DMD: variants seen among roughly 807,000 people sequenced by gnomAD.
The protein encoded by DMD is dystrophin, also known as mutant dystrophin.
DMD carries 63 observed loss-of-function variants against 330.1 expected under a neutral mutation model. The ratio of observed to expected loss-of-function variants is 0.19; its 90% CI spans 0.16 to 0.24. The LOEUF (loss-of-function observed/expected upper bound fraction) is 0.24, where lower values mean the gene tolerates loss of function less well. DMD is among the 10% of genes least tolerant of loss of function. DMD has a pLI of 1.00. For missense variants in DMD, 3,344 were observed against 2,684.1 expected (o/e 1.25, Z -5.43); for synonymous variants, 1,223 against 959.8 (o/e 1.27, Z -5.07).
At chrX:32,387,542 T>G (rs2097967813) in intron 32 of DMD, among the ~76,000 whole-genome samples, 1 of 111,112 alleles carries the variant, frequency 9.0e-6, no homozygotes, top group Admixed American at 9.6e-5. Context: ...AGTTTAAAAG[T>G]AATGTCTAAA....
intron 9 of DMD, among the ~76,000 whole-genome samples, chrX:32,649,729 A>G (rs2060020775): frequency 9.0e-6 from 1 of 110,528 alleles, no homozygotes; most frequent in South Asian, 3.8e-4. Context: ...TTCTCTGACT[A>G]GAAATGGTTC....
intron 11 of DMD, among the ~76,000 whole-genome samples, chrX:32,640,974 T>C (rs1316645350): frequency 9.0e-6 from 1 of 111,629 alleles, no homozygotes; most frequent in African/African-American, 3.3e-5. Context: ...CCTGCAACTC[T>C]ACAGTCCCCC....
chrX:31,988,328 C>G (rs915930447), intron 44 of DMD, among the ~76,000 whole-genome samples: 4 of 107,085 alleles, frequency 3.7e-5, no homozygotes, highest in Non-Finnish European at 5.8e-5. Context: ...CAAAAAATTA[C>G]CCGGACGTGG....
At chrX:32,732,566 G>A (rs866151163) in intron 7 of DMD, among the ~76,000 whole-genome samples, 144 of 111,334 alleles carry the variant, frequency 1.3e-3, no homozygotes, top group Middle Eastern at 4.6e-3. Flanking sequence ...CGGATCTCTC[G>A]GCAGACACCC....
chrX:32,265,481 G>A (rs147806156), intron 43 of DMD, among the ~76,000 whole-genome samples: 2,190 of 112,364 alleles, frequency 0.019, 60 homozygotes, highest in African/African-American at 0.067. Flanking sequence ...TGTGGGGTTG[G>A]AGCCCCCACA....
chrX:32,189,359 T>C (rs1407598571), intron 44 of DMD, among the ~76,000 whole-genome samples: 1 of 92,955 alleles, frequency 1.1e-5, no homozygotes, highest in African/African-American at 4.7e-5. Context: ...TACTAGGGTG[T>C]CAGCAAACTA....
intron 32 of DMD, among the ~76,000 whole-genome samples, chrX:32,388,495 AG>A (rs1440445384): frequency 9.1e-6 from 1 of 109,386 alleles, no homozygotes; most frequent in Non-Finnish European, 1.9e-5. Flanking sequence ...ACTAAAATGC[AG>A]CTTGAATTAT....
intron 45 of DMD, among the ~76,000 whole-genome samples, chrX:31,959,138 T>C (rs1314542116): frequency 2.7e-5 from 3 of 112,002 alleles, no homozygotes; most frequent in Non-Finnish European, 3.8e-5. Flanking sequence ...TTACTCATTG[T>C]CTCTAACTTG....
chrX:32,870,835 C>T (rs755051241), intron 2 of DMD, among the ~76,000 whole-genome samples: 23 of 109,539 alleles, frequency 2.1e-4, no homozygotes, highest in African/African-American at 7.3e-4. Flanking sequence ...GTAAGAAAAT[C>T]TAAGCAATAC....
chrX:31,744,318 C>T (rs1045949172), intron 51 of DMD, among the ~76,000 whole-genome samples: 4 of 111,448 alleles, frequency 3.6e-5, no homozygotes, highest in African/African-American at 6.5e-5. Flanking sequence ...GACACAGAGA[C>T]GTAAAGCGAG....
intron 59 of DMD, among the ~76,000 whole-genome samples, chrX:31,460,795 T>C (rs1457539016): frequency 9.0e-6 from 1 of 111,526 alleles, no homozygotes; most frequent in Non-Finnish European, 1.9e-5. Context: ...TTGTCCAGGC[T>C]GGTCTTAAAC....
intron 9 of DMD, among the ~76,000 whole-genome samples, chrX:32,653,282 T>A (rs1360587689): frequency 8.9e-6 from 1 of 112,250 alleles, no homozygotes; most frequent in Admixed American, 9.5e-5. Flanking sequence ...TAGGTTTTTA[T>A]GGTTTTAGGT....
chrX:32,464,713 C>T lies in DMD; in HGVS notation c.3163-14G>A, dbSNP rs1039281632. On this transcript the variant is annotated splice_polypyrimidine_tract_variant and intron_variant, in intron 23 of 78. Transcript: ENST00000357033. ...TTGTATGTGATTCTGAAACGAGACCCGTTATAAGGCATTACTGGTGTGCTG... is the reference window on the plus strand; with the variant it reads ...TTGTATGTGATTCTGAAACGAGACCTGTTATAAGGCATTACTGGTGTGCTG... The T allele has an allele frequency of 4.6e-6, 5 of 1,077,162 alleles. No homozygotes were observed. The African/African-American group carries it at 7.3e-5, about 16-fold the overall frequency. The allele number at this position is 1,077,162 out of a possible 1,213,427, so 88.8% of individuals were successfully genotyped here.
At chrX:33,151,567 C>T (rs1194216157) in intron 1 of DMD, among the ~76,000 whole-genome samples, 1 of 111,600 alleles carries the variant, frequency 9.0e-6, no homozygotes, top group African/African-American at 3.3e-5. Context: ...TGGTCTCTGC[C>T]TTCAGGCAGC....
At chrX:32,890,939 G>A (rs758043382) in intron 2 of DMD, among the ~76,000 whole-genome samples, 3 of 112,161 alleles carry the variant, frequency 2.7e-5, no homozygotes, top group Non-Finnish European at 5.6e-5. Flanking sequence ...ACTGAATTCA[G>A]ATGTGCTGTA....
intron 50 of DMD, among the ~76,000 whole-genome samples, chrX:31,796,718 T>C (rs2091848171): frequency 8.9e-6 from 1 of 111,869 alleles, no homozygotes; most frequent in Non-Finnish European, 1.9e-5. Flanking sequence ...AATTTGATCC[T>C]CAATATTGGA....
intron 7 of DMD, among the ~76,000 whole-genome samples, chrX:32,780,446 G>A (rs1365959542): frequency 1.8e-5 from 2 of 112,043 alleles, no homozygotes; most frequent in Non-Finnish European, 3.8e-5. Context: ...AGAACCTTCT[G>A]CAGCTTCTTG....
At chrX:31,511,114 G>T (rs945174421) in intron 55 of DMD, among the ~76,000 whole-genome samples, 64 of 110,516 alleles carry the variant, frequency 5.8e-4, no homozygotes, top group Non-Finnish European at 1.1e-3. Context: ...GTAAGTATTG[G>T]GAAAGAACCC....
intron 13 of DMD, among the ~76,000 whole-genome samples, chrX:32,593,454 G>A (rs138860567): frequency 5.1e-4 from 57 of 111,462 alleles, no homozygotes; most frequent in East Asian, 2.3e-3. Flanking sequence ...TACCAAGAGC[G>A]CAGTTCCCAT....
Sources: gnomAD v4.1 joint callset for allele counts (sites outside exome capture counted in the v4.1 genomes callset) on GRCh38, gnomAD v4.1.1 for gene constraint, MANE v1.5 for transcripts, NCBI Gene and HGNC (gene_info 2026-07-23, HGNC 2026-07-21) for gene names.